CELF2: variants seen among roughly 807,000 people sequenced by gnomAD.
The protein encoded by CELF2 is CUGBP Elav-like family member 2, also known as CUG triplet repeat RNA-binding protein 2.
CELF2 carries 8 observed loss-of-function variants against 62.6 expected under a neutral mutation model. The ratio of observed to expected loss-of-function variants is 0.13; its 90% CI spans 0.07 to 0.23. The LOEUF (loss-of-function observed/expected upper bound fraction) is 0.23. Among genes scored for constraint, CELF2 ranks in the 10% least tolerant of loss-of-function variants. The pLI, the probability that CELF2 is intolerant of heterozygous loss-of-function variation, is 1.00. For synonymous variants in CELF2, 258 were observed against 250.0 expected, an observed-to-expected ratio of 1.03 and a Z score of -0.30; for missense variants, 333 against 671.0, an observed-to-expected ratio of 0.50 and a Z score of 5.56.
chr10:11,159,326 G>C lies in CELF2; in HGVS notation c.75-6160G>C, dbSNP rs1268451786. On this transcript the variant is annotated intron_variant, in intron 1 of 12. Transcript: ENST00000633077. The surrounding 1 kb of genome is among the most constrained non-coding windows in gnomAD (Gnocchi z 5.0). ...TGGATGCCACTACAGTTAAGACATA[G>C]CTGTGTCAGAAAGGTGGCAAACTCT... Among the ~76,000 whole-genome samples, 2 of 152,216 alleles carry C rather than the reference G, an allele frequency of 1.3e-5. No individual in the cohort carries two copies. Among genetic ancestry groups the C allele is most frequent in the Non-Finnish European group, 2.9e-5 (2 of 68,028 alleles).
rs2072085235 is a variant in CELF2, at chr10:11,178,528, T to TCCTCTCTA, written c.271+12850_271+12857dup. ...TTTTGTAATCGTATATTTTAGGCTT[T>TCCTCTCTA]CCTCTCTACCTAATTGTGCTCTAAT... On this transcript the variant is annotated intron_variant, in intron 2 of 12. Coordinates refer to ENST00000633077, the MANE Select transcript of CELF2 (RefSeq NM_001326342.2). The surrounding 1 kb of genome is among the most constrained non-coding windows in gnomAD (Gnocchi z 4.3). Among the ~76,000 whole-genome samples, 1 of 152,272 alleles carries TCCTCTCTA rather than the reference T, an allele frequency of 6.6e-6. No individual in the cohort carries two copies. The highest frequency in any genetic ancestry group is 1.5e-5 in the Non-Finnish European group (1 of 68,044).
At chr10:11,133,469 G>T (rs939634798) in intron 1 of CELF2, among the ~76,000 whole-genome samples, 6 of 152,190 alleles carry the variant, frequency 3.9e-5, no homozygotes, top group African/African-American at 1.4e-4. Context: ...GGCCTGTGCA[G>T]TGCTCCTGCA....
At chr10:10,955,946 G>A (rs901130388) in intron 2 of CELF2, among the ~76,000 whole-genome samples, 4 of 152,116 alleles carry the variant, frequency 2.6e-5, no homozygotes, top group African/African-American at 9.7e-5. Context: ...ACTAACCCGA[G>A]CCCCCTGGTT....
At chr10:11,126,807 G>C (rs546188284) in intron 1 of CELF2, among the ~76,000 whole-genome samples, 1 of 151,280 alleles carries the variant, frequency 6.6e-6, no homozygotes, top group East Asian at 1.9e-4. Flanking sequence ...TGCCTTCATG[G>C]TTTATTACAT....
At chr10:11,245,898 GT>G (rs2075450806) in intron 3 of CELF2, among the ~76,000 whole-genome samples, 1 of 152,216 alleles carries the variant, frequency 6.6e-6, no homozygotes, top group South Asian at 2.1e-4. Flanking sequence ...AAGCAGTGTG[GT>G]TTAGGGGAGG....
At chr10:10,533,733 T>C in the CELF2 span, among the ~76,000 whole-genome samples, 1 of 152,144 alleles carries the variant, frequency 6.6e-6, no homozygotes, top group Admixed American at 6.5e-5. Context: ...GGAGATCTCT[T>C]TGGGGAAACA....
intron 2 of CELF2, among the ~76,000 whole-genome samples, chr10:10,937,086 A>G (rs952801830): frequency 8.7e-5 from 12 of 138,458 alleles, no homozygotes; most frequent in African/African-American, 2.9e-4. Flanking sequence ...GCTTTTATTT[A>G]TTCTACCTTC....
the CELF2 span, among the ~76,000 whole-genome samples, chr10:10,479,548 G>A: frequency 6.6e-6 from 1 of 152,182 alleles, no homozygotes. Flanking sequence ...TAAGTATCAT[G>A]ATGGTTTCAT....
At chr10:10,869,975 G>A (rs1014231353) in intron 1 of CELF2, among the ~76,000 whole-genome samples, 2 of 152,090 alleles carry the variant, frequency 1.3e-5, no homozygotes, top group Non-Finnish European at 2.9e-5. Context: ...ATTTTAAATG[G>A]TTTATTATAT....
the CELF2 span, among the ~76,000 whole-genome samples, chr10:10,498,155 G>T: frequency 6.6e-6 from 1 of 152,154 alleles, no homozygotes; most frequent in Non-Finnish European, 1.5e-5. Flanking sequence ...ACAAGAAGGA[G>T]ATAAGGATGG....
chr10:11,249,904 G>A (rs2076641693), intron 4 of CELF2, among the ~76,000 whole-genome samples: 1 of 152,134 alleles, frequency 6.6e-6, no homozygotes, highest in African/African-American at 2.4e-5. Flanking sequence ...TGAAATGTAT[G>A]TTAAAAGAAT....
chr10:11,322,117 G>T (rs576813433), intron 11 of CELF2, among the ~76,000 whole-genome samples: 2 of 152,228 alleles, frequency 1.3e-5, no homozygotes, highest in Non-Finnish European at 2.9e-5. Context: ...GAAGGGGATG[G>T]ATGGCCACAG....
chr10:10,662,036 C>A, the CELF2 span, among the ~76,000 whole-genome samples: 1 of 151,738 alleles, frequency 6.6e-6, no homozygotes, highest in African/African-American at 2.4e-5. Context: ...TGGAGAGTTG[C>A]GGGGGGTGGA....
chr10:11,211,815 T>TGC lies in CELF2; in HGVS notation c.272-5609_272-5608insCG, dbSNP rs1269747507. On this transcript the variant is annotated intron_variant, in intron 2 of 12. Transcript: ENST00000633077. This position sits in a 1 kb window ranked among gnomAD's most constrained non-coding sequence, Gnocchi z 4.8. The stretch of plus-strand genomic sequence containing the variant: ...GTGAGAGAGAGAGAGAGAGAGAGAG[T>TGC]GTGTGTGTGTGTGTGTGTGTGTGTG... Among the ~76,000 whole-genome samples the TGC allele has an allele frequency of 1.3e-4, 5 of 37,282 alleles. No individual in the cohort carries two copies. The highest frequency in any genetic ancestry group is 6.2e-4 in the African/African-American group (5 of 8,082). 24.5% of individuals were successfully genotyped at this position (37,282 alleles called of 152,430 possible).
At chr10:10,655,100 G>A in the CELF2 span, among the ~76,000 whole-genome samples, 1 of 150,484 alleles carries the variant, frequency 6.6e-6, no homozygotes, top group Non-Finnish European at 1.5e-5. Flanking sequence ...GCCAAATCAT[G>A]AGTGAACTCC....
At chr10:11,133,499 G>A (rs17149616) in intron 1 of CELF2, among the ~76,000 whole-genome samples, 9,639 of 152,220 alleles carry the variant, frequency 0.063, 403 homozygotes, top group African/African-American at 0.11. Context: ...AATAACTGTG[G>A]TCATTGTAAA....
intron 2 of CELF2, among the ~76,000 whole-genome samples, chr10:11,168,420 T>A (rs1474020291): frequency 1.3e-5 from 2 of 152,222 alleles, no homozygotes; most frequent in Non-Finnish European, 2.9e-5. Context: ...TTACAGCCCT[T>A]AGCCGCTTAC....
At chr10:10,772,459 C>T in the CELF2 span, among the ~76,000 whole-genome samples, 6 of 152,294 alleles carry the variant, frequency 3.9e-5, no homozygotes, top group African/African-American at 1.4e-4. Flanking sequence ...AATTTAAATG[C>T]TGTGTCTTCT....
chr10:10,932,477 G>A lies in CELF2; in HGVS notation c.89+12478G>A, dbSNP rs191367253. 2.0e-5 allele frequency among the ~76,000 whole-genome samples: 3 copies of A among 152,244 alleles called. No individual in the cohort carries two copies. The East Asian group carries it at 5.8e-4, about 29-fold the overall frequency. On this transcript the variant is annotated intron_variant, in intron 2 of 13. Transcript: ENST00000636488. Reference sequence around the variant, plus strand: ...TTGATTTAATCATTCCACAGTCTATGTATATGTACATCAAGACATCACAAT... The same window carrying A: ...TTGATTTAATCATTCCACAGTCTATATATATGTACATCAAGACATCACAAT...
Sources: gnomAD v4.1 joint callset for allele counts (sites outside exome capture counted in the v4.1 genomes callset) on GRCh38, gnomAD v4.1.1 for gene constraint, Gnocchi (gnomAD v3.1) non-coding constraint, MANE v1.5 for transcripts, NCBI Gene and HGNC (gene_info 2026-07-23, HGNC 2026-07-21) for gene names.